The following UST variants were observed in gnomAD, a reference collection of about 807,000 sequenced individuals.
UST encodes chondroitin sulfate 2-O-sulfotransferase.
Under a neutral mutation model 45.6 loss-of-function variants are expected in UST, and 21 were observed. The ratio of observed to expected loss-of-function variants is 0.46; its 90% CI spans 0.33 to 0.66. The LOEUF is 0.66. UST is among the 30% of genes least tolerant of loss of function. The pLI is 0.02. For missense variants in UST, 463 were observed against 512.4 expected (o/e 0.90, Z 0.93); for synonymous variants, 215 against 200.6 (o/e 1.07, Z -0.61).
chr6:148,994,161 A>G (rs1204611591), intron 5 of UST, among the ~76,000 whole-genome samples: 2 of 151,656 alleles, frequency 1.3e-5, no homozygotes, highest in African/African-American at 4.8e-5. Flanking sequence ...TGGTAGAGAC[A>G]AGGTTTTGCC....
intron 5 of UST, among the ~76,000 whole-genome samples, chr6:148,967,638 G>A (rs1289094333): frequency 6.6e-6 from 1 of 152,190 alleles, no homozygotes; most frequent in African/African-American, 2.4e-5. Flanking sequence ...GCAGGCAGCT[G>A]TGAGGAGCCC....
At chr6:149,034,058 C>T (rs1054614454) in intron 7 of UST, among the ~76,000 whole-genome samples, 1 of 152,144 alleles carries the variant, frequency 6.6e-6, no homozygotes, top group African/African-American at 2.4e-5. Flanking sequence ...ACCTTTACTT[C>T]TACTTCCTTG....
intron 1 of UST, among the ~76,000 whole-genome samples, chr6:148,806,496 C>CT (rs10660534): frequency 0.21 from 31,534 of 147,452 alleles, 3,444 homozygotes; most frequent in South Asian, 0.25. Context: ...ACACCACTGG[C>CT]TTTTTTTTTT....
At chr6:148,829,503 G>A (rs1241405315) in intron 1 of UST, among the ~76,000 whole-genome samples, 1 of 152,124 alleles carries the variant, frequency 6.6e-6, no homozygotes, top group African/African-American at 2.4e-5. Context: ...AGTGTTCTCT[G>A]TGCTGTTCAG....
chr6:148,846,068 A>G (rs11155603), intron 1 of UST, among the ~76,000 whole-genome samples: 44,783 of 142,248 alleles, frequency 0.31, 8,860 homozygotes, highest in East Asian at 0.83. Context: ...AACTAGAAAT[A>G]CCATTTGACC....
At chr6:149,014,431 T>C (rs1775863697) in intron 5 of UST, among the ~76,000 whole-genome samples, 1 of 152,142 alleles carries the variant, frequency 6.6e-6, no homozygotes, top group Non-Finnish European at 1.5e-5. Context: ...AGCTGATGGA[T>C]GAGGTTCCAG....
intron 1 of UST, among the ~76,000 whole-genome samples, chr6:148,874,251 G>T (rs934722053): frequency 4.6e-5 from 7 of 152,212 alleles, no homozygotes; most frequent in Admixed American, 3.3e-4. Flanking sequence ...TATTTCGGTT[G>T]TTATTATAGC....
At chr6:148,992,007 G>C (rs1042267705) in intron 5 of UST, among the ~76,000 whole-genome samples, 2 of 152,278 alleles carry the variant, frequency 1.3e-5, no homozygotes, top group Non-Finnish European at 2.9e-5. Flanking sequence ...ATAAACTGGT[G>C]TTTTTATTGT....
intron 1 of UST, among the ~76,000 whole-genome samples, chr6:148,861,760 G>T (rs1020815027): frequency 2.6e-5 from 4 of 152,174 alleles, no homozygotes; most frequent in African/African-American, 9.7e-5. Context: ...TATGTACCCA[G>T]TAGTCATTCA....
At chr6:148,803,488 A>C (rs1392781280) in intron 1 of UST, among the ~76,000 whole-genome samples, 1 of 151,884 alleles carries the variant, frequency 6.6e-6, no homozygotes, top group Non-Finnish European at 1.5e-5. Context: ...CTTCTGTCCA[A>C]CTCCTCTATT....
At chr6:148,873,712 C>T (rs1482991385) in intron 1 of UST, among the ~76,000 whole-genome samples, 1 of 152,218 alleles carries the variant, frequency 6.6e-6, no homozygotes, top group African/African-American at 2.4e-5. Context: ...GTCACCTCAC[C>T]TTCCTGAGCA....
At chr6:149,015,028 A>AG (rs1354736646) in intron 5 of UST, among the ~76,000 whole-genome samples, 1 of 151,942 alleles carries the variant, frequency 6.6e-6, no homozygotes, top group African/African-American at 2.4e-5. Flanking sequence ...GGGGGTGAAG[A>AG]GGGGGTGTGG....
intron 5 of UST, among the ~76,000 whole-genome samples, chr6:148,992,124 A>G (rs1562323099): frequency 6.6e-6 from 1 of 152,200 alleles, no homozygotes; most frequent in Non-Finnish European, 1.5e-5. Context: ...TGCTCCATCC[A>G]CACAAATGTC....
intron 1 of UST, among the ~76,000 whole-genome samples, chr6:148,820,708 C>A (rs764625868): frequency 5.3e-4 from 81 of 151,708 alleles, no homozygotes; most frequent in Admixed American, 1.4e-3. Context: ...AAAAAATTAG[C>A]CAGGTGTGGT....
At chr6:148,886,860 T>A in intron 1 of UST, 126 bp from the exon 2 acceptor site, 1 of 786,904 alleles carries the variant, frequency 1.3e-6, no homozygotes, top group Non-Finnish European at 2.2e-6. Context: ...AATTCCCCAT[T>A]TTTCTTTGGT....
intron 1 of UST, among the ~76,000 whole-genome samples, chr6:148,876,344 A>G (rs903141816): frequency 6.6e-6 from 1 of 152,202 alleles, no homozygotes; most frequent in African/African-American, 2.4e-5. Context: ...ACCGAGGATT[A>G]TATCTCAACA....
rs1445807854 is a variant in UST at position 148,748,030 on chromosome 6, C to A, written c.247+353C>A. On this transcript the variant is annotated intron_variant, in intron 1 of 7. Coordinates refer to ENST00000367463, the MANE Select transcript of UST (RefSeq NM_005715.3). This position sits in a 1 kb window ranked among gnomAD's most constrained non-coding sequence, Gnocchi z 5.3. ...GGAGTGTGTGTATCTTCAGGCCTGG[C>A]GGCGCGGGGAGTGGCGAAGGGAAGG... Among the ~76,000 whole-genome samples the A allele has an allele frequency of 3.9e-5, 6 of 152,222 alleles. No individual in the cohort carries two copies. The highest frequency in any genetic ancestry group is 1.4e-4 in the African/African-American group (6 of 41,552).
At chr6:148,848,929 G>A (rs1778051569) in intron 1 of UST, among the ~76,000 whole-genome samples, 1 of 152,114 alleles carries the variant, frequency 6.6e-6, no homozygotes, top group Admixed American at 6.5e-5. Context: ...TTCGGTTTGA[G>A]GCTAAAGACC....
chr6:149,065,208 T>C (rs1459096842), intron 7 of UST, among the ~76,000 whole-genome samples: 1 of 152,146 alleles, frequency 6.6e-6, no homozygotes, highest in African/African-American at 2.4e-5. Flanking sequence ...ATAATTGTTT[T>C]GTGGCTGAAA....
Sources: allele counts gnomAD v4.1 joint callset (sites outside exome capture counted in the v4.1 genomes callset), GRCh38; gene constraint gnomAD v4.1.1; non-coding constraint Gnocchi (gnomAD v3.1); transcripts MANE v1.5; gene names NCBI Gene and HGNC (gene_info 2026-07-23, HGNC 2026-07-21).